The following NRG1 variants were observed in gnomAD, a reference collection of about 807,000 sequenced individuals.
NRG1 encodes neuregulin 1, also known as pro-neuregulin-1, membrane-bound isoform.
Under a neutral mutation model 63.8 loss-of-function variants are expected in NRG1, and 18 were observed. The ratio of observed to expected loss-of-function variants is 0.28; its 90% CI spans 0.19 to 0.42. The LOEUF (loss-of-function observed/expected upper bound fraction) is 0.42. Among genes scored for constraint, NRG1 ranks in the 10% least tolerant of loss-of-function variants. The pLI, the probability that NRG1 is intolerant of heterozygous loss-of-function variation, is 1.00. For missense variants in NRG1, 762 were observed against 814.7 expected (o/e 0.94, Z 0.79); for synonymous variants, 302 against 301.3 (o/e 1.00, Z -0.02).
At chr8:32,312,481 C>CT (rs71541813) in intron 1 of NRG1, among the ~76,000 whole-genome samples, 1 of 151,574 alleles carries the variant, frequency 6.6e-6, no homozygotes, top group African/African-American at 2.4e-5. Flanking sequence ...AGCCCTGTGA[C>CT]TTTTTCTCAA....
At chr8:32,421,084 A>G (rs1438484038) in intron 1 of NRG1, among the ~76,000 whole-genome samples, 1 of 152,154 alleles carries the variant, frequency 6.6e-6, no homozygotes, top group African/African-American at 2.4e-5. Flanking sequence ...TCTTTTCTTT[A>G]TAAATTACCC....
At chr8:32,443,389 G>A (rs1487792284) in intron 1 of NRG1, among the ~76,000 whole-genome samples, 1 of 152,124 alleles carries the variant, frequency 6.6e-6, no homozygotes, top group African/African-American at 2.4e-5. Flanking sequence ...GGTGACAATG[G>A]GCAAAGGACT....
intron 1 of NRG1, among the ~76,000 whole-genome samples, chr8:32,405,347 A>G (rs756347666): frequency 1.9e-4 from 29 of 152,156 alleles, no homozygotes; most frequent in Admixed American, 7.9e-4. Context: ...TCCTACTCCC[A>G]TTTGAAGCCA....
In NRG1 at chr8:31,907,677, A is replaced by C. The variant is rs577305381; in HGVS notation, c.37+268246A>C. Reference sequence around the variant, plus strand: ...TTTGATGCTTGTGTTTTGAGGAGTTAAAATTCTCAATGTAATAGAAGACTC... The same window carrying C: ...TTTGATGCTTGTGTTTTGAGGAGTTCAAATTCTCAATGTAATAGAAGACTC... On this transcript the variant is annotated intron_variant, in intron 1 of 10. Coordinates refer to the NRG1 transcript ENST00000519301. 8.5e-5 allele frequency among the ~76,000 whole-genome samples: 13 copies of C among 152,304 alleles called. No individual in the cohort carries two copies. In the South Asian group the frequency reaches 2.5e-3, roughly 29 times the overall value.
chr8:31,943,361 A>G (rs1165906054), intron 1 of NRG1, among the ~76,000 whole-genome samples: 3 of 152,090 alleles, frequency 2.0e-5, no homozygotes, highest in Non-Finnish European at 4.4e-5. Context: ...AGAATGATAC[A>G]TTGGACTTCG....
chr8:31,783,778 T>G (rs1358663331), intron 1 of NRG1, among the ~76,000 whole-genome samples: 1 of 152,166 alleles, frequency 6.6e-6, no homozygotes, highest in Non-Finnish European at 1.5e-5. Flanking sequence ...TAAATAGACA[T>G]CTAGCACAGG....
At chr8:31,864,545 G>A (rs139744138) in intron 1 of NRG1, among the ~76,000 whole-genome samples, 5 of 152,228 alleles carry the variant, frequency 3.3e-5, no homozygotes, top group East Asian at 3.9e-4. Context: ...CTTGAGGCAG[G>A]GGGGAATGAG....
chr8:32,746,403 T>C (rs1409681899), intron 7 of NRG1, among the ~76,000 whole-genome samples: 1 of 152,282 alleles, frequency 6.6e-6, no homozygotes, highest in East Asian at 1.9e-4. Context: ...AGGCCCAAGA[T>C]GTTAAAGAGA....
intron 1 of NRG1, among the ~76,000 whole-genome samples, chr8:32,561,337 C>T (rs564503634): frequency 1.4e-3 from 218 of 152,314 alleles, no homozygotes; most frequent in Non-Finnish European, 2.8e-3. Context: ...TGTAAATCAA[C>T]CGAATCTTTA....
chr8:32,510,726 G>A (rs1010148182), intron 1 of NRG1, among the ~76,000 whole-genome samples: 5 of 151,984 alleles, frequency 3.3e-5, no homozygotes, highest in African/African-American at 9.7e-5. Context: ...CAGGGCCACC[G>A]CACCCTAAGG....
chr8:31,739,731 C>G (rs529681998), intron 1 of NRG1, among the ~76,000 whole-genome samples: 93 of 152,006 alleles, frequency 6.1e-4, no homozygotes, highest in Admixed American at 9.8e-4. Context: ...AATTTCTCTT[C>G]TTTTGATGCT....
chr8:32,650,678 A>AG (rs1854889017), intron 5 of NRG1, among the ~76,000 whole-genome samples: 1 of 150,992 alleles, frequency 6.6e-6, no homozygotes, highest in Admixed American at 6.6e-5. Context: ...AAAAAAAAAA[A>AG]AAAGCTTACA....
chr8:31,790,030 C>T (rs1820549325), intron 1 of NRG1, among the ~76,000 whole-genome samples: 1 of 152,084 alleles, frequency 6.6e-6, no homozygotes, highest in Non-Finnish European at 1.5e-5. Context: ...AAAAAGGTAG[C>T]AGTAAATAGC....
At chr8:31,886,439 T>A (rs1324632487) in intron 1 of NRG1, among the ~76,000 whole-genome samples, 1 of 152,104 alleles carries the variant, frequency 6.6e-6, no homozygotes, top group African/African-American at 2.4e-5. Flanking sequence ...AAATAAATTC[T>A]TGTTCAATTT....
At chr8:32,394,308 T>C (rs1192631905) in intron 1 of NRG1, among the ~76,000 whole-genome samples, 5 of 152,198 alleles carry the variant, frequency 3.3e-5, no homozygotes, top group African/African-American at 9.6e-5. Context: ...TCTTTAGATA[T>C]TCTTAAATTT....
chr8:31,936,086 AG>A (rs1415407061), intron 1 of NRG1, among the ~76,000 whole-genome samples: 1 of 152,238 alleles, frequency 6.6e-6, no homozygotes, highest in Non-Finnish European at 1.5e-5. Flanking sequence ...AAAAGGGTCC[AG>A]AAACAATACA....
At chr8:31,746,025 T>C (rs1416771807) in intron 1 of NRG1, among the ~76,000 whole-genome samples, 1 of 151,978 alleles carries the variant, frequency 6.6e-6, no homozygotes, top group Non-Finnish European at 1.5e-5. Flanking sequence ...TGAAATTCTG[T>C]ATCCCTCTTA....
At chr8:32,171,190 T>G (rs890489537) in intron 1 of NRG1, among the ~76,000 whole-genome samples, 1 of 152,236 alleles carries the variant, frequency 6.6e-6, no homozygotes, top group Non-Finnish European at 1.5e-5. Flanking sequence ...GAATATCTTA[T>G]AACACTATTT....
chr8:32,753,301 A>C (rs910020551), intron 7 of NRG1, among the ~76,000 whole-genome samples: 2 of 152,210 alleles, frequency 1.3e-5, no homozygotes, highest in South Asian at 2.1e-4. Context: ...GTCCCTATTA[A>C]ATCAGCAAAT....
Sources: allele counts gnomAD v4.1 joint callset (sites outside exome capture counted in the v4.1 genomes callset), GRCh38; gene constraint gnomAD v4.1.1; transcripts MANE v1.5; gene names NCBI Gene and HGNC (gene_info 2026-07-23, HGNC 2026-07-21).